Variants in PPARGC1A observed in about 807,000 individuals in gnomAD.
The protein encoded by PPARGC1A is PPARG coactivator 1 alpha.
Under a neutral mutation model 88.7 loss-of-function variants are expected in PPARGC1A, and 25 were observed. That is an observed-to-expected ratio of 0.28 (90% CI 0.21 to 0.39). PPARGC1A has a LOEUF of 0.39. Among genes scored for constraint, PPARGC1A ranks in the 10% least tolerant of loss-of-function variants. The pLI is 1.00. For synonymous variants in PPARGC1A, 363 were observed against 355.6 expected (o/e 1.02, Z -0.24); for missense variants, 880 against 968.7 (o/e 0.91, Z 1.22).
chr4:24,348,024 G>T, the PPARGC1A span, among the ~76,000 whole-genome samples: 2 of 152,110 alleles, frequency 1.3e-5, no homozygotes, highest in Admixed American at 1.3e-4. Context: ...CTTTCAGCAT[G>T]TGTTTGTCTG....
chr4:23,898,800 CA>C (rs996994970), intron 1 of PPARGC1A, among the ~76,000 whole-genome samples: 9 of 148,252 alleles, frequency 6.1e-5, no homozygotes, highest in African/African-American at 1.5e-4. Flanking sequence ...CTTTTCAAAA[CA>C]AAAAAACAAC....
chr4:24,168,618 C>A, the PPARGC1A span, among the ~76,000 whole-genome samples: 2 of 149,778 alleles, frequency 1.3e-5, no homozygotes, highest in Non-Finnish European at 2.9e-5. Flanking sequence ...AGCTCACACA[C>A]ACACACACAA....
At chr4:24,452,264 A>AACACACAC in the PPARGC1A span, among the ~76,000 whole-genome samples, 1 of 147,250 alleles carries the variant, frequency 6.8e-6, no homozygotes, top group African/African-American at 2.5e-5. Context: ...CCCACACACA[A>AACACACAC]ACACACACAC....
chr4:24,019,773 C>T, the PPARGC1A span, among the ~76,000 whole-genome samples: 1 of 152,170 alleles, frequency 6.6e-6, no homozygotes, highest in Non-Finnish European at 1.5e-5. Context: ...TGACAAACAG[C>T]CTCTCCAAAC....
At chr4:24,333,181 T>C in the PPARGC1A span, among the ~76,000 whole-genome samples, 26 of 152,188 alleles carry the variant, frequency 1.7e-4, 2 homozygotes, top group Middle Eastern at 0.01. Context: ...GAGGTGGTGG[T>C]TACACTGAGC....
chr4:24,314,135 A>T, the PPARGC1A span, among the ~76,000 whole-genome samples: 1 of 152,238 alleles, frequency 6.6e-6, no homozygotes. Context: ...CACTAGTGAG[A>T]TATACAATAA....
At chr4:24,469,472 G>A in the PPARGC1A span, among the ~76,000 whole-genome samples, 2 of 152,126 alleles carry the variant, frequency 1.3e-5, no homozygotes, top group African/African-American at 2.4e-5. Context: ...TTCCCCTAAT[G>A]ATGTACATCT....
chr4:24,036,611 T>C, the PPARGC1A span, among the ~76,000 whole-genome samples: 1 of 139,338 alleles, frequency 7.2e-6, no homozygotes, highest in East Asian at 2.2e-4. Flanking sequence ...TTACAGACTT[T>C]TTGTAGTAAA....
At chr4:24,423,742 C>T in the PPARGC1A span, among the ~76,000 whole-genome samples, 1 of 152,176 alleles carries the variant, frequency 6.6e-6, no homozygotes, top group Non-Finnish European at 1.5e-5. Context: ...CTGTCTCAGC[C>T]TCAATTCCAA....
At chr4:24,334,177 C>T in the PPARGC1A span, among the ~76,000 whole-genome samples, 156 of 152,134 alleles carry the variant, frequency 1.0e-3, 1 homozygote, top group African/African-American at 3.4e-3. Context: ...ACTACATTCC[C>T]ATGTAATGCC....
the PPARGC1A span, among the ~76,000 whole-genome samples, chr4:23,949,756 C>T: frequency 1.3e-5 from 2 of 152,076 alleles, no homozygotes; most frequent in Non-Finnish European, 2.9e-5. Context: ...ACAAGAGCCA[C>T]CCCTTCCCCC....
intron 7 of PPARGC1A, among the ~76,000 whole-genome samples, chr4:23,818,083 T>C (rs1722307758): frequency 6.6e-6 from 1 of 152,122 alleles, no homozygotes; most frequent in Non-Finnish European, 1.5e-5. Context: ...TTCCCACTAA[T>C]CTCTGGACTC....
At chr4:24,170,056 C>T in the PPARGC1A span, among the ~76,000 whole-genome samples, 1 of 152,158 alleles carries the variant, frequency 6.6e-6, no homozygotes, top group African/African-American at 2.4e-5. Flanking sequence ...GCTCATCCTT[C>T]CTCATCATTG....
chr4:24,087,630 G>A, the PPARGC1A span, among the ~76,000 whole-genome samples: 1 of 152,218 alleles, frequency 6.6e-6, no homozygotes, highest in Non-Finnish European at 1.5e-5. Flanking sequence ...AAGTGAAGAA[G>A]CCAGTGATCA....
chr4:24,184,104 C>G, the PPARGC1A span, among the ~76,000 whole-genome samples: 7 of 152,108 alleles, frequency 4.6e-5, no homozygotes. Flanking sequence ...GCTAAGCTAC[C>G]TGGAATTGGG....
the PPARGC1A span, among the ~76,000 whole-genome samples, chr4:24,465,154 C>A: frequency 6.6e-6 from 1 of 152,162 alleles, no homozygotes; most frequent in African/African-American, 2.4e-5. Flanking sequence ...GTGCGAAAAA[C>A]CGTGCTCTGG....
chr4:24,026,468 A>G, the PPARGC1A span, among the ~76,000 whole-genome samples: 1 of 152,186 alleles, frequency 6.6e-6, no homozygotes, highest in African/African-American at 2.4e-5. Flanking sequence ...AATAAAGAGT[A>G]TGCATAATCA....
At chr4:24,236,891 T>C in the PPARGC1A span, among the ~76,000 whole-genome samples, 5 of 152,202 alleles carry the variant, frequency 3.3e-5, no homozygotes, top group Non-Finnish European at 5.9e-5. Context: ...AGGTTAGACA[T>C]GAAGAAGCGG....
At chr4:24,333,414 T>C in the PPARGC1A span, among the ~76,000 whole-genome samples, 1 of 152,252 alleles carries the variant, frequency 6.6e-6, no homozygotes, top group African/African-American at 2.4e-5. Context: ...CTATTACCTG[T>C]TTGTTCCAAA....
Sources: gnomAD v4.1 joint callset for allele counts (sites outside exome capture counted in the v4.1 genomes callset) on GRCh38, gnomAD v4.1.1 for gene constraint, MANE v1.5 for transcripts, NCBI Gene and HGNC (gene_info 2026-07-23, HGNC 2026-07-21) for gene names.